The following PCDH15 variants were observed in gnomAD, a reference collection of about 807,000 sequenced individuals.
PCDH15 encodes protocadherin related 15.
PCDH15 carries 129 observed loss-of-function variants against 178.5 expected under a neutral mutation model. The ratio of observed to expected loss-of-function variants is 0.72; its 90% CI spans 0.63 to 0.84. The LOEUF is 0.84. Among genes scored for constraint, PCDH15 ranks in the 40% least tolerant of loss-of-function variants. The probability of loss-of-function intolerance (pLI) is 0.00; values close to 1 mark genes in which losing one functional copy is unlikely to be tolerated. For missense variants in PCDH15, 2,230 were observed against 2,099.9 expected (o/e 1.06, Z -1.21); for synonymous variants, 800 against 732.0 (o/e 1.09, Z -1.50).
At chr10:54,125,512 G>A (rs183791739) in intron 15 of PCDH15, among the ~76,000 whole-genome samples, 1 of 152,152 alleles carries the variant, frequency 6.6e-6, no homozygotes, top group Non-Finnish European at 1.5e-5. Flanking sequence ...CACCTTATAG[G>A]TAGATGTACT....
At chr10:54,559,867 A>AG (rs1478121121) in intron 2 of PCDH15, among the ~76,000 whole-genome samples, 2,562 of 56,918 alleles carry the variant, frequency 0.045, 77 homozygotes, top group African/African-American at 0.1. Flanking sequence ...AAAAAAAAAA[A>AG]AAAAAAAGAA....
chr10:54,525,016 A>T (rs1207395637), intron 3 of PCDH15, among the ~76,000 whole-genome samples: 1 of 152,220 alleles, frequency 6.6e-6, no homozygotes, highest in Non-Finnish European at 1.5e-5. Context: ...ACATATGTAT[A>T]AATGCACTTG....
chr10:53,988,579 T>C (rs2610887), intron 21 of PCDH15, among the ~76,000 whole-genome samples: 3 of 152,110 alleles, frequency 2.0e-5, no homozygotes, highest in Admixed American at 2.0e-4. Context: ...CCAGGAATTA[T>C]GAGTGGCTTA....
intron 35 of PCDH15, among the ~76,000 whole-genome samples, chr10:53,815,159 CA>C (rs1564519907): frequency 6.6e-6 from 1 of 152,042 alleles, no homozygotes; most frequent in Non-Finnish European, 1.5e-5. Context: ...TTGGGTAGAT[CA>C]AACACTTAAT....
At chr10:54,635,947 A>C (rs2134809347) in intron 2 of PCDH15, among the ~76,000 whole-genome samples, 1 of 151,904 alleles carries the variant, frequency 6.6e-6, no homozygotes, top group African/African-American at 2.4e-5. Context: ...AACGAGAAAT[A>C]TTTGGTAACA....
intron 1 of PCDH15, among the ~76,000 whole-genome samples, chr10:54,797,872 C>T (rs1952208488): frequency 6.6e-6 from 1 of 151,912 alleles, no homozygotes; most frequent in African/African-American, 2.4e-5. Context: ...AAGTCATACT[C>T]GTCTACATAT....
At chr10:54,429,731 G>A (rs1956739382) in intron 3 of PCDH15, among the ~76,000 whole-genome samples, 1 of 152,102 alleles carries the variant, frequency 6.6e-6, no homozygotes, top group African/African-American at 2.4e-5. Context: ...ACTGTAAGAA[G>A]AGAAAAAGAA....
At chr10:55,609,673 GA>G (rs1363488444) in intron 2 of PCDH15, among the ~76,000 whole-genome samples, 2 of 151,920 alleles carry the variant, frequency 1.3e-5, no homozygotes, top group Non-Finnish European at 2.9e-5. Flanking sequence ...TCAAAAATCT[GA>G]AAAAAATCAT....
chr10:55,111,794 G>A (rs912567721), intron 2 of PCDH15, among the ~76,000 whole-genome samples: 1 of 152,146 alleles, frequency 6.6e-6, no homozygotes, highest in Non-Finnish European at 1.5e-5. Flanking sequence ...AGTGAGCCGA[G>A]ATCATGCCAT....
chr10:55,064,322 T>C (rs1412570533), intron 2 of PCDH15, among the ~76,000 whole-genome samples: 2 of 152,136 alleles, frequency 1.3e-5, no homozygotes, highest in Non-Finnish European at 2.9e-5. Flanking sequence ...ATTGACACTT[T>C]CAACAGATTT....
At chr10:54,600,915 G>A (rs2092492362) in intron 2 of PCDH15, among the ~76,000 whole-genome samples, 1 of 151,954 alleles carries the variant, frequency 6.6e-6, no homozygotes, top group Non-Finnish European at 1.5e-5. Context: ...TGCACTGTTG[G>A]AAGGGGGTCA....
chr10:55,626,145 AAG>A (rs571415824), intron 2 of PCDH15, among the ~76,000 whole-genome samples: 7 of 151,042 alleles, frequency 4.6e-5, no homozygotes, highest in East Asian at 3.9e-4. Flanking sequence ...GAGAGAGAGA[AAG>A]AGAGAGAGAG....
chr10:54,189,790 C>T (rs1294509245), intron 11 of PCDH15, among the ~76,000 whole-genome samples: 2 of 152,174 alleles, frequency 1.3e-5, no homozygotes, highest in East Asian at 1.9e-4. Flanking sequence ...TGGTCTCAGA[C>T]ATGCCTCTTA....
chr10:54,724,468 C>A (rs1942147801), intron 1 of PCDH15, among the ~76,000 whole-genome samples: 1 of 151,246 alleles, frequency 6.6e-6, no homozygotes, highest in Non-Finnish European at 1.5e-5. Context: ...GAAGCCCAGT[C>A]CCTAACCAAT....
At chr10:55,470,067 T>G (rs1025853800) in intron 2 of PCDH15, among the ~76,000 whole-genome samples, 4 of 152,120 alleles carry the variant, frequency 2.6e-5, no homozygotes, top group African/African-American at 9.7e-5. Context: ...TAGTTAAGTA[T>G]TTGGTAGATG....
upstream of PCDH15, among the ~76,000 whole-genome samples, chr10:54,801,478 T>G (rs1365428678): frequency 6.6e-6 from 1 of 152,230 alleles, no homozygotes; most frequent in East Asian, 1.9e-4. Context: ...TATTGTACTG[T>G]GTTCGTCAGC....
At chr10:55,147,306 C>T (rs541253951) in intron 2 of PCDH15, among the ~76,000 whole-genome samples, 2 of 151,322 alleles carry the variant, frequency 1.3e-5, no homozygotes, top group African/African-American at 4.8e-5. Flanking sequence ...ATTTTCATAG[C>T]TATTTTAGAA....
chr10:55,599,937 C>T (rs11004928), intron 2 of PCDH15: 537,430 of 1,506,714 alleles, frequency 0.36, 99,546 homozygotes, highest in East Asian at 0.52. Flanking sequence ...TTACTTTCAA[C>T]CAGTGAAATT....
At chr10:55,116,821 T>G (rs1837639040) in intron 2 of PCDH15, among the ~76,000 whole-genome samples, 1 of 152,172 alleles carries the variant, frequency 6.6e-6, no homozygotes, top group Non-Finnish European at 1.5e-5. Flanking sequence ...ATTAACTGGC[T>G]TTCCTCTGAA....
Sources: gnomAD v4.1 joint callset for allele counts (sites outside exome capture counted in the v4.1 genomes callset) on GRCh38, gnomAD v4.1.1 for gene constraint, MANE v1.5 for transcripts, NCBI Gene and HGNC (gene_info 2026-07-23, HGNC 2026-07-21) for gene names.